Variants in RPS6KC1 observed in about 807,000 individuals in gnomAD.
The protein encoded by RPS6KC1 is ribosomal protein S6 kinase C1.
A neutral mutation model predicts 103.8 loss-of-function variants in RPS6KC1; 54 were observed. The ratio of observed to expected loss-of-function variants is 0.52; its 90% CI spans 0.42 to 0.65. The LOEUF (loss-of-function observed/expected upper bound fraction) is 0.65, where lower values mean the gene tolerates loss of function less well. Among genes scored for constraint, RPS6KC1 ranks in the 30% least tolerant of loss-of-function variants. RPS6KC1 has a pLI of 0.00. For missense variants in RPS6KC1, 1,151 were observed against 1,253.8 expected (o/e 0.92, Z 1.24); for synonymous variants, 439 against 438.7 (o/e 1.00, Z -0.01).
Position 213,224,322 on chromosome 1 carries a change from T to G in RPS6KC1, c.1045-6175T>G, listed in dbSNP as rs531784692. Among the ~76,000 whole-genome samples the G allele has an allele frequency of 2.0e-3, 301 of 152,332 alleles. 1 individual carries two copies. The highest frequency in any genetic ancestry group is 7.0e-3 in the African/African-American group (290 of 41,578). ...GTGGGAAAAGTGAAACTTGTGGAAT[T>G]GAAGAACAGATGAGGCTAATCCTTA... On this transcript the variant is annotated intron_variant, in intron 8 of 14. Transcript: ENST00000366960.
chr1:213,583,347 A>G, the RPS6KC1 span, among the ~76,000 whole-genome samples: 1 of 152,200 alleles, frequency 6.6e-6, no homozygotes, highest in Admixed American at 6.5e-5. Context: ...TACTTCTCAA[A>G]GTGGTTGAAC....
At chr1:213,167,182 T>C (rs2091037016) in intron 6 of RPS6KC1, among the ~76,000 whole-genome samples, 2 of 152,178 alleles carry the variant, frequency 1.3e-5, no homozygotes, top group South Asian at 2.1e-4. Context: ...GGGACTGATA[T>C]CTGAAACAAG....
chr1:213,740,684 A>T, the RPS6KC1 span, among the ~76,000 whole-genome samples: 3 of 151,040 alleles, frequency 2.0e-5, no homozygotes, highest in East Asian at 5.9e-4. Context: ...TATCTCTCAG[A>T]TATATGTACA....
At chr1:213,330,425 G>A in the RPS6KC1 span, among the ~76,000 whole-genome samples, 1 of 152,208 alleles carries the variant, frequency 6.6e-6, no homozygotes, top group Admixed American at 6.5e-5. Context: ...TGAGCTTACA[G>A]TGCTGAGACA....
At chr1:213,532,553 G>A in the RPS6KC1 span, among the ~76,000 whole-genome samples, 1 of 152,132 alleles carries the variant, frequency 6.6e-6, no homozygotes, top group African/African-American at 2.4e-5. Flanking sequence ...TGCTTACTAA[G>A]AACCGTCTTC....
intron 6 of RPS6KC1, among the ~76,000 whole-genome samples, chr1:213,136,952 C>T (rs1023599562): frequency 5.3e-4 from 81 of 152,170 alleles, no homozygotes; most frequent in African/African-American, 1.9e-3. Flanking sequence ...CCTCAGCCTC[C>T]CAAAAAGCCA....
chr1:213,713,454 CT>C, the RPS6KC1 span, among the ~76,000 whole-genome samples: 2 of 152,114 alleles, frequency 1.3e-5, no homozygotes, highest in African/African-American at 4.8e-5. Context: ...CATAGCAGTA[CT>C]TTTTTTAGTA....
At chr1:213,484,422 T>C in the RPS6KC1 span, among the ~76,000 whole-genome samples, 1 of 152,226 alleles carries the variant, frequency 6.6e-6, no homozygotes, top group Non-Finnish European at 1.5e-5. Context: ...CAGGCTCGTT[T>C]ATGTGGTTGT....
the RPS6KC1 span, among the ~76,000 whole-genome samples, chr1:213,590,606 G>T: frequency 3.0e-4 from 45 of 152,258 alleles, no homozygotes; most frequent in East Asian, 8.7e-3. Context: ...CTGAGTTGGG[G>T]TGAAGGGACT....
At chr1:213,377,207 G>A in the RPS6KC1 span, among the ~76,000 whole-genome samples, 1 of 152,330 alleles carries the variant, frequency 6.6e-6, no homozygotes, top group Admixed American at 6.5e-5. Context: ...CTAGTGGAGA[G>A]CAAATTCCTG....
intron 1 of RPS6KC1, among the ~76,000 whole-genome samples, chr1:213,059,564 A>G (rs1344685752): frequency 6.6e-6 from 1 of 152,156 alleles, no homozygotes; most frequent in Non-Finnish European, 1.5e-5. Context: ...TCCAGGCTGG[A>G]ATGCAGTGGT....
the RPS6KC1 span, among the ~76,000 whole-genome samples, chr1:213,298,049 C>G: frequency 2.0e-5 from 3 of 152,226 alleles, no homozygotes; most frequent in African/African-American, 7.2e-5. Flanking sequence ...CTGAGCACCC[C>G]CAGACCAGCA....
At chr1:213,786,301 C>A in the RPS6KC1 span, among the ~76,000 whole-genome samples, 1 of 152,138 alleles carries the variant, frequency 6.6e-6, no homozygotes, top group Non-Finnish European at 1.5e-5. Context: ...TAAAATTGTT[C>A]TATTTTGAAT....
the RPS6KC1 span, among the ~76,000 whole-genome samples, chr1:213,296,419 C>G: frequency 2.0e-5 from 3 of 152,280 alleles, no homozygotes; most frequent in African/African-American, 7.2e-5. Context: ...GGGGGCAGGG[C>G]TTTACTGTGC....
chr1:213,689,085 A>G, the RPS6KC1 span, among the ~76,000 whole-genome samples: 1 of 152,136 alleles, frequency 6.6e-6, no homozygotes, highest in Non-Finnish European at 1.5e-5. Context: ...TGTGTTGAAG[A>G]TTCCTTTTCG....
chr1:213,429,908 T>A, the RPS6KC1 span, among the ~76,000 whole-genome samples: 1 of 152,252 alleles, frequency 6.6e-6, no homozygotes, highest in South Asian at 2.1e-4. Flanking sequence ...TTAATTTCTT[T>A]ATTGCTTTTA....
At chr1:213,474,807 T>A in the RPS6KC1 span, among the ~76,000 whole-genome samples, 1 of 152,048 alleles carries the variant, frequency 6.6e-6, no homozygotes, top group Non-Finnish European at 1.5e-5. Context: ...CTAATACCTT[T>A]AAAAATTCAA....
chr1:213,854,030 C>A, the RPS6KC1 span, among the ~76,000 whole-genome samples: 878 of 152,162 alleles, frequency 5.8e-3, 9 homozygotes, highest in African/African-American at 0.021. Context: ...GAGGCAAAAG[C>A]AAAGAAACAA....
the RPS6KC1 span, among the ~76,000 whole-genome samples, chr1:213,784,981 A>G: frequency 5.3e-5 from 8 of 152,194 alleles, no homozygotes; most frequent in Admixed American, 5.2e-4. Context: ...GAAGTAAAAA[A>G]AAATGGAAAA....
Sources: gnomAD v4.1 joint callset for allele counts (sites outside exome capture counted in the v4.1 genomes callset) on GRCh38, gnomAD v4.1.1 for gene constraint, MANE v1.5 for transcripts, NCBI Gene and HGNC (gene_info 2026-07-23, HGNC 2026-07-21) for gene names.